Variants in CYP19A1 observed in about 807,000 individuals in gnomAD.
CYP19A1 encodes aromatase.
CYP19A1 carries 32 observed loss-of-function variants against 44.4 expected under a neutral mutation model. The ratio of observed to expected loss-of-function variants is 0.72; its 90% CI spans 0.54 to 0.97. The LOEUF (loss-of-function observed/expected upper bound fraction) is 0.97. CYP19A1 is among the 50% of genes least tolerant of loss of function. The pLI is 0.00. For missense variants in CYP19A1, 598 were observed against 637.8 expected (o/e 0.94, Z 0.67); for synonymous variants, 212 against 215.6 (o/e 0.98, Z 0.14).
chr15:51,300,126 C>A (rs986533274), intron 1 of CYP19A1, among the ~76,000 whole-genome samples: 1 of 152,142 alleles, frequency 6.6e-6, no homozygotes, highest in East Asian at 1.9e-4. Flanking sequence ...CCTGAGCCAC[C>A]AGGAAGTACT....
In CYP19A1 at chr15:51,291,960, G is replaced by A. The variant is rs542275648; in HGVS notation, c.-39+46535C>T. On this transcript the variant is annotated intron_variant, in intron 1 of 9. Transcript: ENST00000396402. ...ACACTTTACACTGACAAATAGGGTG[G>A]GAAAACAAGAAAAGGCTGGCTACTT... 3.3e-5 allele frequency among the ~76,000 whole-genome samples: 5 copies of A among 152,292 alleles called. No homozygotes were observed. In the East Asian group the frequency reaches 9.6e-4, roughly 29 times the overall value.
chr15:51,256,232 A>G (rs1325835074), intron 1 of CYP19A1, among the ~76,000 whole-genome samples: 1 of 152,232 alleles, frequency 6.6e-6, no homozygotes, highest in Admixed American at 6.5e-5. Flanking sequence ...TCTGAAATGG[A>G]AAAAATAAGG....
chr15:51,309,806 A>G (rs551467061), intron 1 of CYP19A1, among the ~76,000 whole-genome samples: 3 of 152,230 alleles, frequency 2.0e-5, no homozygotes, highest in Non-Finnish European at 4.4e-5. Context: ...GTCTTGGGAA[A>G]GAAGCTTTCA....
chr15:51,278,697 T>G (rs28588512), intron 1 of CYP19A1, among the ~76,000 whole-genome samples: 16,060 of 152,250 alleles, frequency 0.11, 1,003 homozygotes, highest in African/African-American at 0.15. Flanking sequence ...ACACCTGGGG[T>G]TCAGGGGGTG....
At chr15:51,303,584 T>C (rs16964254) in intron 1 of CYP19A1, among the ~76,000 whole-genome samples, 2 of 151,644 alleles carry the variant, frequency 1.3e-5, no homozygotes, top group East Asian at 3.9e-4. Context: ...CTTCTGAAAG[T>C]CAGTGTCCAT....
chr15:51,337,375 C>T (rs923568005), intron 1 of CYP19A1, among the ~76,000 whole-genome samples: 4 of 152,246 alleles, frequency 2.6e-5, no homozygotes, highest in South Asian at 2.1e-4. Context: ...TCCAACAATA[C>T]CAACCCGTGT....
intron 1 of CYP19A1, among the ~76,000 whole-genome samples, chr15:51,296,221 C>T (rs895251753): frequency 6.6e-6 from 1 of 151,970 alleles, no homozygotes; most frequent in Non-Finnish European, 1.5e-5. Flanking sequence ...TAGCAGTAAC[C>T]CTCTGGGCAG....
chr15:51,255,907 CACTGTGGGA>C, intron 1 of CYP19A1: 1 of 152,250 alleles, frequency 6.6e-6, no homozygotes, highest in Non-Finnish European at 1.5e-5. Context: ...CATTTTCTCA[CACTGTGGGA>C]ACTATCCTGA....
Position 51,287,524 on chromosome 15 carries a change from C to T in CYP19A1, c.-38-44574G>A, listed in dbSNP as rs369265646. ...CCTCGTCAGCACTCCTGGGCAGCCA[C>T]AGCTCAGACATTGGTATCGCTGCTG... On this transcript the variant is annotated intron_variant, in intron 1 of 9. Transcript: ENST00000396402. Among the ~76,000 whole-genome samples the T allele has an allele frequency of 9.2e-5, 14 of 152,234 alleles. No homozygotes were observed. The East Asian group carries it at 1.2e-3, about 13-fold the overall frequency.
At chr15:51,289,251 T>G (rs1302630503) in intron 1 of CYP19A1, among the ~76,000 whole-genome samples, 1 of 152,240 alleles carries the variant, frequency 6.6e-6, no homozygotes, top group African/African-American at 2.4e-5. Flanking sequence ...AAATGCCTTG[T>G]TAGACTGTAC....
chr15:51,260,233 T>C lies in CYP19A1; in HGVS notation c.-38-17283A>G, dbSNP rs28757146. On this transcript the variant is annotated intron_variant, in intron 1 of 9. Transcript: ENST00000396402. The stretch of plus-strand genomic sequence containing the variant: ...TGTATTTTGAGTGTTTTCCCAGAAA[T>C]ACTGGTCCTAAAGGGCTGCTGAAGC... Among the ~76,000 whole-genome samples the C allele has an allele frequency of 8.5e-3, 1,297 of 152,294 alleles. 22 individuals carry two copies. The highest frequency in any genetic ancestry group is 0.03 in the African/African-American group (1,236 of 41,562).
Position 51,210,131 on chromosome 15 carries a change from C to G in CYP19A1, c.*677G>C, listed in dbSNP as rs2030788037. 1 of 342,966 alleles carries G rather than the reference C, an allele frequency of 2.9e-6. No homozygotes were observed. Among genetic ancestry groups the G allele is most frequent in the South Asian group, 2.3e-5 (1 of 44,358 alleles). 21.2% of individuals were successfully genotyped at this position (342,966 alleles called of 1,614,324 possible). A position where few individuals can be genotyped will look rare whatever the true frequency, so the allele number is the denominator to read the frequency against. ...GTATTACCTGAATCTACAGGTAACA[C>G]AATGAATTGTAGCACAGGCAAGTGG... is the stretch of plus-strand genomic sequence containing the variant. On this transcript the variant is annotated 3_prime_UTR_variant, in exon 10 of 10. Transcript: ENST00000396402.
chr15:51,282,106 GAC>G (rs75078469), intron 1 of CYP19A1, among the ~76,000 whole-genome samples: 4,161 of 152,296 alleles, frequency 0.027, 153 homozygotes, highest in East Asian at 0.14. Flanking sequence ...GAAGAACTGA[GAC>G]AGAGAGGCTG....
chr15:51,228,767 C>A (rs1462984987), intron 3 of CYP19A1, among the ~76,000 whole-genome samples: 1 of 152,160 alleles, frequency 6.6e-6, no homozygotes, highest in African/African-American at 2.4e-5. Flanking sequence ...GTTGTTGTTA[C>A]TTTCTTGGTG....
At chr15:51,294,136 C>CCT (rs2035917869) in intron 1 of CYP19A1, among the ~76,000 whole-genome samples, 5 of 135,948 alleles carry the variant, frequency 3.7e-5, no homozygotes, top group African/African-American at 1.7e-4. Flanking sequence ...GGCTGCCCAT[C>CCT]GTCTGGGATG....
chr15:51,297,587 C>G (rs2036021352), intron 1 of CYP19A1, among the ~76,000 whole-genome samples: 1 of 152,036 alleles, frequency 6.6e-6, no homozygotes, highest in South Asian at 2.1e-4. Flanking sequence ...GCTACCTCAG[C>G]TTCCATGATT....
chr15:51,294,581 T>C (rs112886219), intron 1 of CYP19A1, among the ~76,000 whole-genome samples: 1 of 136,520 alleles, frequency 7.3e-6, no homozygotes, highest in African/African-American at 3.0e-5. Context: ...GGGAGGGAGG[T>C]GGGGGGATCA....
chr15:51,246,406 C>T (rs1377736019), intron 1 of CYP19A1, among the ~76,000 whole-genome samples: 2 of 152,192 alleles, frequency 1.3e-5, no homozygotes, highest in African/African-American at 4.8e-5. Flanking sequence ...TCTGCCTGCT[C>T]AGCATCCCAC....
chr15:51,215,997 C>A, intron 6 of CYP19A1, 180 bp from the exon 7 acceptor site: 1 of 1,245,068 alleles, frequency 8.0e-7, no homozygotes, highest in Non-Finnish European at 1.1e-6. Context: ...AGACCCTACA[C>A]TTCATGTTAA....
Sources: gnomAD v4.1 joint callset for allele counts (sites outside exome capture counted in the v4.1 genomes callset) on GRCh38, gnomAD v4.1.1 for gene constraint, MANE v1.5 for transcripts, NCBI Gene and HGNC (gene_info 2026-07-23, HGNC 2026-07-21) for gene names.